Variants in SCAP observed in about 807,000 individuals in gnomAD.
The protein encoded by SCAP is sterol regulatory element-binding protein cleavage-activating protein.
Under a neutral mutation model 123.6 loss-of-function variants are expected in SCAP, and 65 were observed. The ratio of observed to expected loss-of-function variants is 0.53; its 90% CI spans 0.43 to 0.65. The LOEUF is 0.65. SCAP is among the 30% of genes least tolerant of loss of function. The pLI is 0.00. For synonymous variants in SCAP, 740 were observed against 726.3 expected, an observed-to-expected ratio of 1.02 and a Z score of -0.30; for missense variants, 1,398 against 1,712.5, an observed-to-expected ratio of 0.82 and a Z score of 3.24.
At chr3:47,474,474 T>C (rs1306383487) in intron 1 of SCAP, among the ~76,000 whole-genome samples, 1 of 151,892 alleles carries the variant, frequency 6.6e-6, no homozygotes, top group Non-Finnish European at 1.5e-5. Context: ...ACCTAAAATG[T>C]AAACTATATT....
chr3:47,438,851 C>T (rs1576284317), intron 2 of SCAP, among the ~76,000 whole-genome samples: 1 of 151,624 alleles, frequency 6.6e-6, no homozygotes, highest in African/African-American at 2.4e-5. Flanking sequence ...GCTGTGGCTA[C>T]AGCGTTTGCA....
chr3:47,438,868 TCA>T (rs1706690877), intron 2 of SCAP, among the ~76,000 whole-genome samples: 1 of 151,870 alleles, frequency 6.6e-6, no homozygotes, highest in South Asian at 2.1e-4. Context: ...TGCATAGTAA[TCA>T]CAGAGTATAG....
At chr3:47,417,260 C>T (rs2306628) in intron 17 of SCAP, 44 bp downstream of exon 17, 31,199 of 1,612,156 alleles carry the variant, frequency 0.019, 653 homozygotes, top group Admixed American at 0.074. Flanking sequence ...CCACAATCCC[C>T]GGGGCGGACA....
rs1008796369 is a variant in SCAP, at chr3:47,428,681, A to G, written c.253-11T>C. On this transcript the variant is annotated splice_polypyrimidine_tract_variant and intron_variant, in intron 3 of 22. Transcript: ENST00000265565. ...CGGGGCACCCACATACTGCAGAAGA[A>G]ATGAGGGAGGGCAGAAAGGGCAGCT... 6.2e-7 allele frequency: 1 copy of G among 1,613,014 alleles called. No homozygotes were observed. Among genetic ancestry groups the G allele is most frequent in the African/African-American group, 1.3e-5 (1 of 74,902 alleles).
At position 47,413,804 on chromosome 3, in the gene SCAP, G is replaced by GGCCCCCACACAGC; in HGVS notation, c.*37_*49dup. 2 of 1,587,882 alleles carry GGCCCCCACACAGC rather than the reference G, an allele frequency of 1.3e-6. No homozygotes were observed. Among genetic ancestry groups the GGCCCCCACACAGC allele is most frequent in the Non-Finnish European group, 1.7e-6 (2 of 1,165,304 alleles). On this transcript the variant is annotated 3_prime_UTR_variant, in exon 23 of 23. Transcript: ENST00000265565. ...CCCCCAAGTCCAGGTTCAGTGCATT[G>GGCCCCCACACAGC]GCCCCCACACAGCACCCCAGCCTCC...
At chr3:47,470,504 C>G (rs552561974) in intron 1 of SCAP, among the ~76,000 whole-genome samples, 2 of 152,352 alleles carry the variant, frequency 1.3e-5, no homozygotes, top group South Asian at 4.1e-4. Flanking sequence ...AGCCTGACAA[C>G]TAGGCATCAG....
Position 47,450,906 on chromosome 3 carries a change from A to G in SCAP, c.-98-7815T>C, listed in dbSNP as rs1409327647. ...CACTCTGTCACCCAGGCTGGGGTAC[A>G]GTGGCACTATCATGTCTTACTGTAG... On this transcript the variant is annotated intron_variant, in intron 1 of 22. Transcript: ENST00000265565. Among the ~76,000 whole-genome samples, 4 of 123,532 alleles carry G rather than the reference A, an allele frequency of 3.2e-5. 1 individual carries two copies. Among genetic ancestry groups the G allele is most frequent in the Non-Finnish European group, 5.4e-5 (3 of 55,986 alleles). 81.0% of individuals were successfully genotyped at this position (123,532 alleles called of 152,430 possible).
intron 2 of SCAP, among the ~76,000 whole-genome samples, chr3:47,435,541 C>T (rs184666237): frequency 2.0e-5 from 3 of 150,012 alleles, no homozygotes; most frequent in African/African-American, 7.4e-5. Flanking sequence ...CCTGCCACTA[C>T]ATCCAGGTAA....
intron 6 of SCAP, among the ~76,000 whole-genome samples, chr3:47,426,813 C>T (rs185720129): frequency 2.8e-4 from 43 of 152,288 alleles, no homozygotes; most frequent in African/African-American, 9.9e-4. Flanking sequence ...TGGGGAGCTG[C>T]CTGCAGTGCC....
chr3:47,422,722 C>T (rs1705958612), intron 9 of SCAP, 186 bp from the exon 10 acceptor site: 1 of 524,566 alleles, frequency 1.9e-6, no homozygotes, highest in African/African-American at 1.9e-5. Context: ...GGGCCATCAC[C>T]ACCACACAGC....
At chr3:47,464,449 T>C (rs149667104) in intron 1 of SCAP, among the ~76,000 whole-genome samples, 3 of 152,170 alleles carry the variant, frequency 2.0e-5, no homozygotes, top group African/African-American at 7.2e-5. Flanking sequence ...AGTGCAAGGA[T>C]GGTTTAACAA....
rs1181201940 is a variant in SCAP at position 47,418,192 on chromosome 3, G to A, written c.2389C>T (p.His797Tyr). The A allele has an allele frequency of 6.3e-7, 1 of 1,575,112 alleles. No homozygotes were observed. The highest frequency in any genetic ancestry group is 2.3e-5 in the East Asian group (1 of 42,730). The change falls in exon 16 of 23, where the codon CAC (histidine) becomes TAC (tyrosine). Residue 797 changes from histidine (H) to tyrosine (Y), a missense_variant. Around this residue, in one of 7 missense-constraint regions of SCAP, gnomAD observed 828 missense variants for 882.5 expected, o/e 0.94. Coordinates refer to ENST00000265565, the MANE Select transcript of SCAP (RefSeq NM_012235.4). Reference sequence around the variant, plus strand: ...GTCTGCGCGTCCCACACGCAGACGTGGCCTGCCAGGCAGCAGCTCACCAGC... The same window carrying A: ...GTCTGCGCGTCCCACACGCAGACGTAGCCTGCCAGGCAGCAGCTCACCAGC... ...MLLVSCCLAGHVCVWDAQTGD... is the reference protein window; with the variant it reads ...MLLVSCCLAGYVCVWDAQTGD...
Position 47,423,973 on chromosome 3 carries a change from T to C in SCAP, c.1110A>G (p.Ser370=). ...NVLVLTKSVV[S]TPVDLEVKLR... is the part of the protein sequence containing the mutation. ...GCTTCACCTCCAGGTCTACCGGGGT[T>C]GAGACCACAGACTTGGTGAGCACCA... The change falls in exon 9 of 23, where the codon TCA becomes TCG. Residue 370 remains serine (S), a synonymous_variant. Transcript: ENST00000265565. The C allele has an allele frequency of 6.2e-7, 1 of 1,613,896 alleles. No individual in the cohort carries two copies. Among genetic ancestry groups the C allele is most frequent in the African/African-American group, 1.3e-5 (1 of 75,056 alleles).
intron 2 of SCAP, among the ~76,000 whole-genome samples, chr3:47,442,309 A>G (rs1434705326): frequency 1.3e-5 from 2 of 152,198 alleles, no homozygotes; most frequent in Non-Finnish European, 2.9e-5. Flanking sequence ...GCCTTGAGAA[A>G]GACAGACAGG....
At chr3:47,476,317 C>T (rs560555476), upstream of SCAP, among the ~76,000 whole-genome samples, 420 of 152,196 alleles carry the variant, frequency 2.8e-3, 2 homozygotes, top group Non-Finnish European at 3.9e-3. Context: ...ATTAATTAGC[C>T]GGCTGTGGTG....
chr3:47,470,816 C>T (rs941086105), intron 1 of SCAP, among the ~76,000 whole-genome samples: 20 of 152,204 alleles, frequency 1.3e-4, no homozygotes, highest in African/African-American at 2.9e-4. Flanking sequence ...GAGCCGAGAT[C>T]GCACCACTGC....
chr3:47,420,175 A>G lies in SCAP; in HGVS notation c.1563+379T>C, dbSNP rs541905963. On this transcript the variant is annotated intron_variant, in intron 12 of 22. Transcript: ENST00000265565. The surrounding 1 kb of genome is among the most constrained non-coding windows in gnomAD (Gnocchi z 5.0). ...CAAGGCCAGCCCAGCCCGGCTGGTG[A>G]ATGATTTTGCCCAGCACTTTCCAGT... 2.0e-5 allele frequency among the ~76,000 whole-genome samples: 3 copies of G among 152,254 alleles called. No homozygotes were observed. Among genetic ancestry groups the G allele is most frequent in the Non-Finnish European group, 2.9e-5 (2 of 68,006 alleles).
At chr3:47,427,853 CTG>C (rs1413924775) in intron 4 of SCAP, among the ~76,000 whole-genome samples, 186 bp from the exon 5 acceptor site, 3 of 152,178 alleles carry the variant, frequency 2.0e-5, no homozygotes, top group African/African-American at 7.2e-5. Flanking sequence ...AAACATGTGG[CTG>C]TCTGACTTTC....
intron 18 of SCAP, among the ~76,000 whole-genome samples, chr3:47,415,460 G>A (rs1480767324): frequency 6.6e-6 from 1 of 152,120 alleles, no homozygotes; most frequent in South Asian, 2.1e-4. Flanking sequence ...GGTGGTACCT[G>A]GTGAATATCA....
Sources: allele counts gnomAD v4.1 joint callset (sites outside exome capture counted in the v4.1 genomes callset), GRCh38; gene constraint gnomAD v4.1.1; regional missense constraint gnomAD v4.1.1; non-coding constraint Gnocchi (gnomAD v3.1); transcripts MANE v1.5; gene names NCBI Gene and HGNC (gene_info 2026-07-23, HGNC 2026-07-21).